The following NAALADL2 variants were observed in gnomAD, a reference collection of about 807,000 sequenced individuals.
NAALADL2 encodes the protein inactive N-acetylated-alpha-linked acidic dipeptidase-like protein 2.
Under a neutral mutation model 87.2 loss-of-function variants are expected in NAALADL2, and 76 were observed. The ratio of observed to expected loss-of-function variants is 0.87; its 90% CI spans 0.72 to 1.05. The LOEUF (loss-of-function observed/expected upper bound fraction) is 1.05, where lower values mean the gene tolerates loss of function less well. Among genes scored for constraint, NAALADL2 ranks in the 50% least tolerant of loss-of-function variants. The pLI, the probability that NAALADL2 is intolerant of heterozygous loss-of-function variation, is 0.00. For missense variants in NAALADL2, 1,089 were observed against 945.8 expected (o/e 1.15, Z -1.99); for synonymous variants, 354 against 331.0 (o/e 1.07, Z -0.75).
chr3:174,886,577 G>T (rs1418877567), intron 1 of NAALADL2, among the ~76,000 whole-genome samples: 2 of 152,168 alleles, frequency 1.3e-5, no homozygotes, highest in African/African-American at 2.4e-5. Flanking sequence ...AAGGAAAGAA[G>T]AGTTAAGAAT....
chr3:175,016,147 TAATA>T (rs1328335382), intron 1 of NAALADL2, among the ~76,000 whole-genome samples: 4 of 151,176 alleles, frequency 2.6e-5, no homozygotes, highest in Non-Finnish European at 5.9e-5. Context: ...TTATATATTT[TAATA>T]AATAAAAAGA....
intron 6 of NAALADL2, among the ~76,000 whole-genome samples, chr3:175,458,771 C>G (rs1722694251): frequency 6.6e-6 from 1 of 151,908 alleles, no homozygotes; most frequent in South Asian, 2.1e-4. Context: ...CACAATGGAT[C>G]CAACCCTAGG....
chr3:174,904,295 T>C (rs1732711782), intron 1 of NAALADL2, among the ~76,000 whole-genome samples: 1 of 151,932 alleles, frequency 6.6e-6, no homozygotes, highest in African/African-American at 2.4e-5. Flanking sequence ...CATTGTGTGA[T>C]ATGTTACCAA....
rs1404789278 is a variant in NAALADL2 at position 175,808,380 on chromosome 3, A to G, written c.*5177A>G. ...TACAATTACATAATTTTCTGTAACCAAAATGGTAATTTTGATGGATTTTTT... is the reference window on the plus strand; with the variant it reads ...TACAATTACATAATTTTCTGTAACCGAAATGGTAATTTTGATGGATTTTTT... On this transcript the variant is annotated 3_prime_UTR_variant, in exon 14 of 14. Transcript: ENST00000454872. The G allele has an allele frequency of 6.6e-6, 1 of 151,980 alleles. No individual in the cohort carries two copies. The highest frequency in any genetic ancestry group is 1.5e-5 in the Non-Finnish European group (1 of 67,940). 9.4% of individuals were successfully genotyped at this position (151,980 alleles called of 1,614,324 possible).
chr3:175,792,365 A>G (rs1464872577), intron 13 of NAALADL2, among the ~76,000 whole-genome samples: 1 of 152,164 alleles, frequency 6.6e-6, no homozygotes, highest in East Asian at 1.9e-4. Flanking sequence ...TTAATACCTC[A>G]AGCTTTGTGA....
intron 1 of NAALADL2, among the ~76,000 whole-genome samples, chr3:174,491,078 G>A (rs1412739088): frequency 6.6e-6 from 1 of 152,026 alleles, no homozygotes; most frequent in African/African-American, 2.4e-5. Context: ...AGAACATTGG[G>A]ACACAATCCT....
chr3:174,583,668 A>G (rs929675974), intron 2 of NAALADL2, among the ~76,000 whole-genome samples: 1 of 152,150 alleles, frequency 6.6e-6, no homozygotes, highest in Non-Finnish European at 1.5e-5. Context: ...GTTCAATGCT[A>G]TTACGTTGTT....
At chr3:175,074,824 G>A (rs1237792469) in intron 1 of NAALADL2, among the ~76,000 whole-genome samples, 1 of 151,880 alleles carries the variant, frequency 6.6e-6, no homozygotes, top group East Asian at 1.9e-4. Flanking sequence ...GGGGTGAATG[G>A]TTGATATATT....
At chr3:174,578,816 T>C (rs868564673) in intron 2 of NAALADL2, among the ~76,000 whole-genome samples, 1 of 152,064 alleles carries the variant, frequency 6.6e-6, no homozygotes, top group African/African-American at 2.4e-5. Flanking sequence ...ATAAATTATA[T>C]GAATTAAACT....
At chr3:174,765,449 C>T (rs1713685732) in intron 3 of NAALADL2, among the ~76,000 whole-genome samples, 1 of 152,076 alleles carries the variant, frequency 6.6e-6, no homozygotes, top group African/African-American at 2.4e-5. Flanking sequence ...CCTCTACTAT[C>T]CTTGTCTCCT....
intron 3 of NAALADL2, among the ~76,000 whole-genome samples, chr3:174,834,652 G>A (rs183380744): frequency 6.6e-6 from 1 of 151,766 alleles, no homozygotes; most frequent in East Asian, 1.9e-4. Context: ...TTATATACTA[G>A]TAAAATACTA....
Position 175,609,163 on chromosome 3 carries a change from TAG to T in NAALADL2, c.1801-18124_1801-18123del, listed in dbSNP as rs200322949. Among the ~76,000 whole-genome samples, 34 of 152,206 alleles carry T rather than the reference TAG, an allele frequency of 2.2e-4. 1 individual carries two copies. Among genetic ancestry groups the T allele is most frequent in the African/African-American group, 8.2e-4 (34 of 41,554 alleles). ...TCAGTGACAGGTCTATTGGCCCACA[TAG>T]AGATTGAACACTGATTTTGGCCTCA... On this transcript the variant is annotated intron_variant, in intron 10 of 13. Coordinates refer to ENST00000454872, the MANE Select transcript of NAALADL2 (RefSeq NM_207015.3).
Position 175,584,875 on chromosome 3 carries a change from G to A in NAALADL2, c.1800+8688G>A, listed in dbSNP as rs537434654. On this transcript the variant is annotated intron_variant, in intron 10 of 13. Coordinates refer to ENST00000454872, the MANE Select transcript of NAALADL2 (RefSeq NM_207015.3). ...CTCTGGGTGAATGAGTAAGTGGTGA[G>A]TGAATGTGAAGGCCTAGGACATTTC... 5.3e-5 allele frequency among the ~76,000 whole-genome samples: 8 copies of A among 152,302 alleles called. No homozygotes were observed. The East Asian group carries it at 1.2e-3, about 22-fold the overall frequency.
chr3:175,794,176 T>G (rs1753168068), intron 13 of NAALADL2, among the ~76,000 whole-genome samples: 1 of 152,166 alleles, frequency 6.6e-6, no homozygotes, highest in Non-Finnish European at 1.5e-5. Context: ...CAAAAGCCTG[T>G]AGGGTATTCA....
At chr3:174,621,128 TAAC>T (rs916590935) in intron 2 of NAALADL2, among the ~76,000 whole-genome samples, 1 of 152,072 alleles carries the variant, frequency 6.6e-6, no homozygotes, top group African/African-American at 2.4e-5. Context: ...TTTGACAGTC[TAAC>T]ATCTCCACAC....
At chr3:175,498,423 G>A (rs902705030) in intron 9 of NAALADL2, among the ~76,000 whole-genome samples, 1 of 152,020 alleles carries the variant, frequency 6.6e-6, no homozygotes, top group Admixed American at 6.6e-5. Context: ...TTAATTTAGG[G>A]AAGTGAAAGA....
chr3:175,008,726 T>C (rs9852449), intron 1 of NAALADL2, among the ~76,000 whole-genome samples: 29 of 105,832 alleles, frequency 2.7e-4, no homozygotes, highest in Admixed American at 2.2e-3. Flanking sequence ...TACAACGTTA[T>C]AGGGTAAGGC....
chr3:174,939,290 C>T (rs948985874), intron 1 of NAALADL2, among the ~76,000 whole-genome samples: 1 of 151,968 alleles, frequency 6.6e-6, no homozygotes, highest in Non-Finnish European at 1.5e-5. Flanking sequence ...TTGGTTTTAT[C>T]AGCTTTGTCA....
In NAALADL2 at chr3:175,263,553, G is replaced by C. The variant is rs185281179; in HGVS notation, c.939+7023G>C. 2.0e-4 allele frequency among the ~76,000 whole-genome samples: 31 copies of C among 151,824 alleles called. No homozygotes were observed. The East Asian group carries it at 4.2e-3, about 21-fold the overall frequency. ...TGAAAATTACGACATCATAGCAAAT[G>C]GCATCATGTATCAGAAGGTTGATTT... On this transcript the variant is annotated intron_variant, in intron 4 of 13. Transcript: ENST00000454872.
Sources: allele counts gnomAD v4.1 joint callset (sites outside exome capture counted in the v4.1 genomes callset), GRCh38; gene constraint gnomAD v4.1.1; transcripts MANE v1.5; gene names NCBI Gene and HGNC (gene_info 2026-07-23, HGNC 2026-07-21).